MTHFD2L: variants seen among roughly 807,000 people sequenced by gnomAD.
MTHFD2L encodes bifunctional methylenetetrahydrofolate dehydrogenase/cyclohydrolase 2, mitochondrial.
MTHFD2L carries 29 observed loss-of-function variants against 34.9 expected under a neutral mutation model. That is an observed-to-expected ratio of 0.83 (90% CI 0.62 to 1.13). MTHFD2L has a LOEUF of 1.13. Among genes scored for constraint, MTHFD2L ranks in the 50% most tolerant of loss-of-function variants. The pLI is 0.00. For synonymous variants in MTHFD2L, 167 were observed against 155.7 expected, an observed-to-expected ratio of 1.07 and a Z score of -0.54; for missense variants, 481 against 446.5, an observed-to-expected ratio of 1.08 and a Z score of -0.70.
intron 3 of MTHFD2L, chr4:74,182,883 A>C (rs1295577219): frequency 6.6e-6 from 1 of 152,190 alleles, no homozygotes; most frequent in Admixed American, 6.5e-5. Flanking sequence ...AGATGGTTGT[A>C]AATTACAAAA....
chr4:74,238,370 G>A (rs982935884), intron 6 of MTHFD2L, among the ~76,000 whole-genome samples: 1 of 152,104 alleles, frequency 6.6e-6, no homozygotes, highest in African/African-American at 2.4e-5. Flanking sequence ...AGACATAAAT[G>A]TTAGACTGAA....
intron 5 of MTHFD2L, among the ~76,000 whole-genome samples, chr4:74,220,708 C>T (rs944355708): frequency 5.9e-5 from 9 of 151,508 alleles, no homozygotes; most frequent in African/African-American, 1.5e-4. Flanking sequence ...AATGGGGCCT[C>T]TTCTTACAAT....
At chr4:74,252,302 G>A (rs543676655) in intron 6 of MTHFD2L, among the ~76,000 whole-genome samples, 2 of 152,046 alleles carry the variant, frequency 1.3e-5, no homozygotes, top group Admixed American at 6.5e-5. Context: ...CCTTGGCTAA[G>A]GCCACTGCAA....
chr4:74,138,595 C>T (rs1723095143), intron 1 of MTHFD2L, among the ~76,000 whole-genome samples: 1 of 152,114 alleles, frequency 6.6e-6, no homozygotes, highest in South Asian at 2.1e-4. Flanking sequence ...TCCAGAGCGG[C>T]AATGGGAACC....
chr4:74,185,074 C>T (rs1224102149), intron 3 of MTHFD2L, among the ~76,000 whole-genome samples: 1 of 146,300 alleles, frequency 6.8e-6, no homozygotes, highest in Non-Finnish European at 1.5e-5. Context: ...ATGTCCTGAA[C>T]CTGGGAGGCG....
At position 74,263,122 on chromosome 4, in the gene MTHFD2L, T is replaced by A. The variant is rs192067909; in HGVS notation, c.806-18303T>A. On this transcript the variant is annotated intron_variant, in intron 6 of 7. Coordinates refer to ENST00000325278, the MANE Select transcript of MTHFD2L (RefSeq NM_001144978.3). ...ATGTGTATATATGTATACATATGTA[T>A]GTATATTTATGTGTGTGTGTGTGCT... Among the ~76,000 whole-genome samples the A allele has an allele frequency of 1.4e-4, 21 of 152,036 alleles. No individual in the cohort carries two copies. In the East Asian group the frequency reaches 3.5e-3, roughly 25 times the overall value.
At chr4:74,275,118 C>T (rs1011159261) in intron 6 of MTHFD2L, among the ~76,000 whole-genome samples, 1 of 152,018 alleles carries the variant, frequency 6.6e-6, no homozygotes, top group Non-Finnish European at 1.5e-5. Flanking sequence ...CCCAACAGGC[C>T]CCAATGTCTG....
At chr4:74,164,553 T>C (rs528968166) in intron 1 of MTHFD2L, among the ~76,000 whole-genome samples, 2 of 152,246 alleles carry the variant, frequency 1.3e-5, no homozygotes, top group Admixed American at 6.5e-5. Flanking sequence ...ATCTGTAATT[T>C]AGCAGAAACT....
chr4:74,159,848 A>T (rs1196612279), intron 1 of MTHFD2L, among the ~76,000 whole-genome samples: 1 of 152,192 alleles, frequency 6.6e-6, no homozygotes, highest in Non-Finnish European at 1.5e-5. Context: ...AAAAAAAGTA[A>T]TATATTTTGA....
At chr4:74,142,830 T>C (rs187176687) in intron 1 of MTHFD2L, among the ~76,000 whole-genome samples, 87 of 152,262 alleles carry the variant, frequency 5.7e-4, no homozygotes, top group African/African-American at 2.0e-3. Context: ...GGGTCAGTCT[T>C]GGACAAAAAA....
intron 3 of MTHFD2L, chr4:74,195,417 A>G (rs141416608): frequency 9.6e-4 from 147 of 152,372 alleles, no homozygotes; most frequent in African/African-American, 3.3e-3. Flanking sequence ...TGACAGGAAG[A>G]ATAATGTTCA....
intron 6 of MTHFD2L, among the ~76,000 whole-genome samples, chr4:74,247,323 T>C (rs1324094010): frequency 2.0e-5 from 3 of 151,738 alleles, no homozygotes; most frequent in Non-Finnish European, 2.9e-5. Context: ...TTTTATACAT[T>C]GATTTTGTAT....
chr4:74,212,033 C>T (rs1329382195), intron 5 of MTHFD2L, among the ~76,000 whole-genome samples: 3 of 152,038 alleles, frequency 2.0e-5, no homozygotes, highest in Non-Finnish European at 4.4e-5. Flanking sequence ...GTGGCAATAT[C>T]CCCTTTATCA....
At chr4:74,220,963 A>T (rs969985026) in intron 5 of MTHFD2L, among the ~76,000 whole-genome samples, 2 of 150,518 alleles carry the variant, frequency 1.3e-5, no homozygotes, top group South Asian at 4.2e-4. Flanking sequence ...AATTTTTTTA[A>T]CATTGCTTTA....
At chr4:74,138,014 T>C (rs1189582740) in intron 1 of MTHFD2L, among the ~76,000 whole-genome samples, 1 of 151,894 alleles carries the variant, frequency 6.6e-6, no homozygotes, top group East Asian at 1.9e-4. Context: ...TTATTACCAA[T>C]GAGCTTTACA....
At chr4:74,244,351 T>C (rs1343360642) in intron 6 of MTHFD2L, among the ~76,000 whole-genome samples, 2 of 152,150 alleles carry the variant, frequency 1.3e-5, no homozygotes, top group Non-Finnish European at 2.9e-5. Context: ...ATCATCTGCT[T>C]TTGTCAATGG....
chr4:74,119,950 C>A (rs1051940778), upstream of MTHFD2L, among the ~76,000 whole-genome samples: 9 of 151,838 alleles, frequency 5.9e-5, 1 homozygote, highest in Admixed American at 4.6e-4. Context: ...AACCAAGCAC[C>A]CTGTGTTAAA....
chr4:74,298,142 T>A (rs1749850395), intron 7 of MTHFD2L, among the ~76,000 whole-genome samples: 1 of 152,136 alleles, frequency 6.6e-6, no homozygotes, highest in Admixed American at 6.6e-5. Flanking sequence ...AGGGTTTATC[T>A]TCATATCCAT....
intron 2 of MTHFD2L, among the ~76,000 whole-genome samples, chr4:74,115,202 A>G (rs961348204): frequency 6.6e-6 from 1 of 152,178 alleles, no homozygotes; most frequent in Admixed American, 6.5e-5. Context: ...CTGTTACTCT[A>G]ATTATTTTTT....
Sources: allele counts gnomAD v4.1 joint callset (sites outside exome capture counted in the v4.1 genomes callset), GRCh38; gene constraint gnomAD v4.1.1; transcripts MANE v1.5; gene names NCBI Gene and HGNC (gene_info 2026-07-23, HGNC 2026-07-21).